The following MSH6 variants were observed in gnomAD, a reference collection of about 807,000 sequenced individuals.
MSH6 encodes DNA mismatch repair protein Msh6.
A neutral mutation model predicts 119.1 loss-of-function variants in MSH6; 85 were observed. The observed-to-expected ratio is 0.71, with a 90% CI of 0.60 to 0.85. The LOEUF (loss-of-function observed/expected upper bound fraction) is 0.85. Among genes scored for constraint, MSH6 ranks in the 40% least tolerant of loss-of-function variants. The pLI is 0.00. For synonymous variants in MSH6, 830 were observed against 586.9 expected (o/e 1.41, Z -5.99); for missense variants, 2,163 against 1,655.3 (o/e 1.31, Z -5.32).
chr2:47,787,718 G>A (rs190089955), intron 1 of MSH6, among the ~76,000 whole-genome samples: 7 of 152,304 alleles, frequency 4.6e-5, no homozygotes, highest in South Asian at 2.1e-4. Flanking sequence ...TTCGGCTCAA[G>A]TGATCCTCCC....
downstream of MSH6, chr2:47,808,021 C>T (rs1404748368): frequency 2.7e-6 from 3 of 1,128,932 alleles, no homozygotes; most frequent in South Asian, 4.4e-5. Flanking sequence ...AATACAGTCT[C>T]TTCCTGTAGC....
downstream of MSH6, chr2:47,808,172 A>G: frequency 6.2e-7 from 1 of 1,613,472 alleles, no homozygotes; most frequent in East Asian, 2.2e-5. Context: ...CATATAGTGT[A>G]TCTGTATCAT....
intron 1 of MSH6, 152 bp downstream of exon 1, chr2:47,783,645 C>T: frequency 2.7e-6 from 2 of 752,472 alleles, no homozygotes; most frequent in Non-Finnish European, 3.9e-6. Context: ...TGAATGAGTG[C>T]AGGGGTCGAG....
intron 2 of MSH6, among the ~76,000 whole-genome samples, chr2:47,792,121 T>C (rs1293526860): frequency 6.6e-6 from 1 of 152,038 alleles, no homozygotes; most frequent in African/African-American, 2.4e-5. Flanking sequence ...GCTGGGATTA[T>C]AGGCGTGAGC....
At position 47,798,600 on chromosome 2, in the gene MSH6, T is replaced by A. The variant is rs757727313; in HGVS notation, c.628-11T>A. 1 of 1,608,002 alleles carries A rather than the reference T, an allele frequency of 6.2e-7. No homozygotes were observed. Among genetic ancestry groups the A allele is most frequent in the South Asian group, 1.1e-5 (1 of 91,006 alleles). On this transcript the variant is annotated splice_polypyrimidine_tract_variant and intron_variant, in intron 3 of 9. Transcript: ENST00000234420. ...TGATTTGTTTTTAAATACTCTTTCC[T>A]TGCCTGGCAGGTAGGCACAACTTAC...
chr2:47,783,459 C>T lies in MSH6; in HGVS notation c.226C>T (p.Leu76=), dbSNP rs1553408398. The T allele has an allele frequency of 6.8e-7, 1 of 1,463,152 alleles. No individual in the cohort carries two copies. The highest frequency in any genetic ancestry group is 9.0e-7 in the Non-Finnish European group (1 of 1,108,328). The allele number at this position is 1,463,152 out of a possible 1,614,324, so 90.6% of individuals were successfully genotyped here. A position where few individuals can be genotyped will look rare whatever the true frequency, so the allele number is the denominator to read the frequency against. The change falls in exon 1 of 10, where the codon CTG becomes TTG. Residue 76 remains leucine, a synonymous_variant. Coordinates refer to ENST00000234420, the MANE Select transcript of MSH6 (RefSeq NM_000179.3). ...CAAGGCGAAGAACCTCAACGGAGGGCTGCGGAGATCGGTAGCGCCTGCTGC... is the reference window on the plus strand; with the variant it reads ...CAAGGCGAAGAACCTCAACGGAGGGTTGCGGAGATCGGTAGCGCCTGCTGC... The part of the protein sequence containing the change: ...PPKAKNLNGG[L]RRSVAPAAPT...
At chr2:47,793,749 G>C (rs576531589) in intron 2 of MSH6, among the ~76,000 whole-genome samples, 1 of 143,770 alleles carries the variant, frequency 7.0e-6, no homozygotes, top group Non-Finnish European at 1.5e-5. Flanking sequence ...TTTTTTTTTT[G>C]CAGCGGAGTC....
intron 1 of MSH6, among the ~76,000 whole-genome samples, chr2:47,788,821 C>G (rs1028706194): frequency 3.3e-5 from 5 of 149,658 alleles, no homozygotes; most frequent in Non-Finnish European, 5.9e-5. Context: ...ATCTGCCTGC[C>G]TCGTCCTCCC....
intron 5 of MSH6, 59 bp from the exon 6 acceptor site, chr2:47,804,851 A>C: frequency 2.2e-6 from 3 of 1,343,616 alleles, no homozygotes; most frequent in Non-Finnish European, 3.2e-6. Flanking sequence ...TAAGAAAGAC[A>C]AAAGTTTATG....
rs558831141 is a variant in MSH6 at position 47,783,768 on chromosome 2, C to T, written c.260+275C>T. 1.0e-5 allele frequency: 4 copies of T among 401,826 alleles called. No homozygotes were observed. In the South Asian group the frequency reaches 4.1e-4, roughly 41 times the overall value. The allele number at this position is 401,826 out of a possible 1,614,324, so 24.9% of individuals were successfully genotyped here. On this transcript the variant is annotated intron_variant, in intron 1 of 9. Transcript: ENST00000234420. ...TCGGGCCTTTTGGAGGGAGGAGACG[C>T]GTCCCGCCAGGTGGGGGTGCTGGGC...
Position 47,803,511 on chromosome 2 carries a change from C to G in MSH6, c.3264C>G (p.Phe1088Leu), listed in dbSNP as rs35621414. 1.9e-6 allele frequency: 3 copies of G among 1,614,004 alleles called. No individual in the cohort carries two copies. In the African/African-American group the frequency reaches 4.0e-5, roughly 22 times the overall value. The change falls in exon 5 of 10, where the codon TTC becomes TTG. Residue 1088 changes from phenylalanine to leucine, a missense_variant. Coordinates refer to ENST00000234420, the MANE Select transcript of MSH6 (RefSeq NM_000179.3). ...TGTTGCCGGAAGATACCCCCCCCTT[C>G]TTAGAGCTTAAAGGATCACGCCATC... ...VILLPEDTPP[F>L]LELKGSRHPC... is the part of the protein sequence containing the mutation.
chr2:47,809,661 C>G (rs1248577579), downstream of MSH6: 6 of 1,613,650 alleles, frequency 3.7e-6, no homozygotes, highest in Admixed American at 5.0e-5. Context: ...TGTTAAAAAT[C>G]TGATTGCCTT....
downstream of MSH6, chr2:47,809,602 T>C: frequency 1.2e-6 from 2 of 1,608,802 alleles, no homozygotes; most frequent in Non-Finnish European, 1.7e-6. Context: ...CAACATACCT[T>C]TCATTGTCAC....
At chr2:47,796,341 A>T (rs1351605121) in intron 3 of MSH6, among the ~76,000 whole-genome samples, 1 of 152,208 alleles carries the variant, frequency 6.6e-6, no homozygotes, top group African/African-American at 2.4e-5. Context: ...AGCTAGGGAC[A>T]GTAAAGATGG....
At chr2:47,807,122 G>A, downstream of MSH6, 1 of 469,184 alleles carries the variant, frequency 2.1e-6, no homozygotes, top group Admixed American at 3.7e-5. Context: ...AAATGGGGGA[G>A]GAAAAGCTAT....
In MSH6 at chr2:47,806,890, T is replaced by G. The variant is rs931895599; in HGVS notation, c.*30T>G. On this transcript the variant is annotated 3_prime_UTR_variant, in exon 10 of 10. Transcript: ENST00000234420. ...ACTACATTGGAAGCTTTGAGTTGACTTCTGACAAAGGTGGTAAATTCAGAC... is the reference window on the plus strand; with the variant it reads ...ACTACATTGGAAGCTTTGAGTTGACGTCTGACAAAGGTGGTAAATTCAGAC... The G allele has an allele frequency of 1.3e-6, 2 of 1,514,190 alleles. No homozygotes were observed. The highest frequency in any genetic ancestry group is 4.5e-5 in the East Asian group (2 of 44,354). The allele number at this position is 1,514,190 out of a possible 1,614,324, so 93.8% of individuals were successfully genotyped here.
chr2:47,809,665 T>C (rs1229432338), downstream of MSH6: 2 of 1,613,520 alleles, frequency 1.2e-6, no homozygotes, highest in South Asian at 1.1e-5. Flanking sequence ...AAAAATCTGA[T>C]TGCCTTCTAG....
intron 2 of MSH6, among the ~76,000 whole-genome samples, chr2:47,791,461 C>T (rs1668725819): frequency 6.6e-6 from 1 of 152,090 alleles, no homozygotes; most frequent in Non-Finnish European, 1.5e-5. Context: ...TAGATAGCGA[C>T]ATTCTCTAGG....
In MSH6 at chr2:47,783,217, C is replaced by G. The variant is rs370816858; in HGVS notation, c.-17C>G. The G allele has an allele frequency of 6.2e-7, 1 of 1,611,190 alleles. No individual in the cohort carries two copies. The highest frequency in any genetic ancestry group is 8.5e-7 in the Non-Finnish European group (1 of 1,179,294). ...AGCTCCGTCCGACAGAACGGTTGGG[C>G]CTTGCCGGCTGTCGGTATGTCGCGA... On this transcript the variant is annotated 5_prime_UTR_variant, in exon 1 of 10. Coordinates refer to ENST00000234420, the MANE Select transcript of MSH6 (RefSeq NM_000179.3).
Sources: gnomAD v4.1 joint callset for allele counts (sites outside exome capture counted in the v4.1 genomes callset) on GRCh38, gnomAD v4.1.1 for gene constraint, MANE v1.5 for transcripts, NCBI Gene and HGNC (gene_info 2026-07-23, HGNC 2026-07-21) for gene names.